PAQR5: variants seen among roughly 807,000 people sequenced by gnomAD.
PAQR5 encodes membrane progestin receptor gamma.
Under a neutral mutation model 34.5 loss-of-function variants are expected in PAQR5, and 20 were observed. That is an observed-to-expected ratio of 0.58 (90% CI 0.41 to 0.84). The LOEUF is 0.84. Ranked by LOEUF, PAQR5 falls within the 40% of genes least tolerant of loss-of-function variation. The pLI is 0.00. For missense variants in PAQR5, 378 were observed against 412.7 expected (o/e 0.92, Z 0.73); for synonymous variants, 131 against 155.6 (o/e 0.84, Z 1.18).
chr15:69,328,848 A>G (rs1461111725), intron 1 of PAQR5, among the ~76,000 whole-genome samples: 2 of 152,340 alleles, frequency 1.3e-5, no homozygotes, highest in African/African-American at 4.8e-5. Context: ...GGGCAAGGCC[A>G]GTGCAGCCTG....
At position 69,329,846 on chromosome 15, in the gene PAQR5, T is replaced by C. The variant is rs1381783180; in HGVS notation, c.-276-7495T>C. ...GCCGCTGATGGCTCACTCTCCTGAA[T>C]GTGTTCTTTGTAGTAATAGTAGCCA... On this transcript the variant is annotated intron_variant, in intron 1 of 8. Transcript: ENST00000395407. Among the ~76,000 whole-genome samples, 3 of 152,182 alleles carry C rather than the reference T, an allele frequency of 2.0e-5. No individual in the cohort carries two copies. In the East Asian group the frequency reaches 5.8e-4, roughly 29 times the overall value.
chr15:69,399,938 C>G (rs1430201845), intron 7 of PAQR5, 36 bp from the exon 8 acceptor site: 1 of 1,599,634 alleles, frequency 6.3e-7, no homozygotes, highest in Non-Finnish European at 8.5e-7. Flanking sequence ...TCAGGCCTGT[C>G]CTCTCAAGAC....
At chr15:69,330,201 C>T (rs2054348077) in intron 1 of PAQR5, among the ~76,000 whole-genome samples, 1 of 152,176 alleles carries the variant, frequency 6.6e-6, no homozygotes, top group Middle Eastern at 3.2e-3. Context: ...GTTAGTGAAA[C>T]CACCTGTGCA....
intron 1 of PAQR5, among the ~76,000 whole-genome samples, chr15:69,337,037 T>C (rs1382721825): frequency 1.3e-5 from 2 of 152,202 alleles, no homozygotes; most frequent in Non-Finnish European, 2.9e-5. Context: ...AGGTCTCAGA[T>C]AACTTTAAAA....
chr15:69,363,536 G>GTTTTTTTTTT lies in PAQR5; in HGVS notation c.51+3411_51+3412insTTTTTTTTTT, dbSNP rs1226447954. ...ACATCGAGTGTCAAATTGCTAATCT[G>GTTTTTTTTTT]TTTTTTGTTTTTGTTTTTTTTTTTT... On this transcript the variant is annotated intron_variant, in intron 3 of 8. Transcript: ENST00000395407. Among the ~76,000 whole-genome samples, 2 of 82,002 alleles carry GTTTTTTTTTT rather than the reference G, an allele frequency of 2.4e-5. 1 individual carries two copies. The highest frequency in any genetic ancestry group is 4.6e-5 in the Non-Finnish European group (2 of 43,296). The allele number at this position is 82,002 out of a possible 152,430, so 53.8% of individuals were successfully genotyped here.
At chr15:69,311,815 G>A (rs2053840709) in intron 1 of PAQR5, among the ~76,000 whole-genome samples, 1 of 152,196 alleles carries the variant, frequency 6.6e-6, no homozygotes, top group South Asian at 2.1e-4. Context: ...AAATGTGGGT[G>A]ATACATTCTT....
At chr15:69,359,095 T>TCTC (rs1174047070) in intron 2 of PAQR5, among the ~76,000 whole-genome samples, 1 of 152,162 alleles carries the variant, frequency 6.6e-6, no homozygotes, top group Non-Finnish European at 1.5e-5. Context: ...CTCATAGATG[T>TCTC]CTCCTTCTAT....
In PAQR5 at chr15:69,320,973, T is replaced by C. The variant is rs2054082019; in HGVS notation, c.-276-16368T>C. Among the ~76,000 whole-genome samples the C allele has an allele frequency of 2.6e-5, 4 of 152,242 alleles. No individual in the cohort carries two copies. In the South Asian group the frequency reaches 8.3e-4, roughly 31 times the overall value. On this transcript the variant is annotated intron_variant, in intron 1 of 8. Transcript: ENST00000395407. ...CGAATATTTTCCGCCGACAAGGCCT[T>C]TTGGCTTTTTTTCAGAGACTGCCGT... is the stretch of plus-strand genomic sequence containing the variant.
intron 3 of PAQR5, among the ~76,000 whole-genome samples, chr15:69,373,227 G>A (rs1432831906): frequency 6.6e-6 from 1 of 151,976 alleles, no homozygotes; most frequent in Non-Finnish European, 1.5e-5. Context: ...TAAGGTCAGT[G>A]GATTAGCAAC....
intron 3 of PAQR5, among the ~76,000 whole-genome samples, chr15:69,371,437 G>A (rs1049831031): frequency 6.6e-6 from 1 of 151,952 alleles, no homozygotes; most frequent in Admixed American, 6.6e-5. Flanking sequence ...CCATCTCATC[G>A]TGCTATCTTT....
At position 69,407,648 on chromosome 15, in the gene PAQR5, T is replaced by A. The variant is rs1358060315; in HGVS notation, c.*3826T>A. On this transcript the variant is annotated 3_prime_UTR_variant, in exon 9 of 9. Transcript: ENST00000395407. ...GAATTTATTTATTATCATAAAGTCA[T>A]CCTGTTTGCCACTTAATTTGGTTAT... is the stretch of plus-strand genomic sequence containing the variant. 6.6e-6 allele frequency: 1 copy of A among 152,234 alleles called. No homozygotes were observed. Among genetic ancestry groups the A allele is most frequent in the African/African-American group, 2.4e-5 (1 of 41,446 alleles). The allele number at this position is 152,234 out of a possible 1,614,324, so 9.4% of individuals were successfully genotyped here. A position where few individuals can be genotyped will look rare whatever the true frequency, so the allele number is the denominator to read the frequency against.
In PAQR5 at chr15:69,403,772, G is replaced by T; in HGVS notation, c.943G>T (p.Ala315Ser). The change falls in exon 9 of 9, where the codon GCT (alanine) becomes TCT (serine). Residue 315 changes from alanine to serine, a missense_variant. Transcript: ENST00000395407. ...CCTCAGCAACATAATTTATTTCTCA[G>T]CTGCTCTGTATCGGATTCCCAAGCC... ...FSLSNIIYFS[A>S]ALYRIPKPEL... is the part of the protein sequence containing the mutation. The T allele has an allele frequency of 6.2e-7, 1 of 1,614,004 alleles. No individual in the cohort carries two copies. Among genetic ancestry groups the T allele is most frequent in the Non-Finnish European group, 8.5e-7 (1 of 1,179,902 alleles).
intron 2 of PAQR5, among the ~76,000 whole-genome samples, chr15:69,349,544 A>G (rs1367564485): frequency 6.6e-6 from 1 of 152,188 alleles, no homozygotes; most frequent in Non-Finnish European, 1.5e-5. Flanking sequence ...GAGTTAAGAA[A>G]AGTACTAACA....
At chr15:69,382,470 C>T (rs866962441) in intron 4 of PAQR5, among the ~76,000 whole-genome samples, 23 of 151,702 alleles carry the variant, frequency 1.5e-4, no homozygotes, top group African/African-American at 4.8e-4. Flanking sequence ...CATGGTGAAA[C>T]GCTGTCTCTA....
In PAQR5 at chr15:69,329,897, C is replaced by T. The variant is rs373517261; in HGVS notation, c.-276-7444C>T. ...TAATAGTAGCCATAGTGGTAAATAC[C>T]ACTGGCATTGATTCAGGGTTTTGTA... On this transcript the variant is annotated intron_variant, in intron 1 of 8. Transcript: ENST00000395407. 3.9e-5 allele frequency among the ~76,000 whole-genome samples: 6 copies of T among 152,238 alleles called. No individual in the cohort carries two copies. The East Asian group carries it at 9.6e-4, about 24-fold the overall frequency.
chr15:69,300,948 C>CTTCTTTCTTTCTTTCTTTCT (rs1204219653), intron 1 of PAQR5, among the ~76,000 whole-genome samples: 38 of 3,620 alleles, frequency 0.01, 3 homozygotes, highest in East Asian at 0.06. Flanking sequence ...TCTTTCTTTC[C>CTTCTTTCTTTCTTTCTTTCT]TTCTTTCTTT....
chr15:69,346,417 C>T (rs2054773717), intron 2 of PAQR5, among the ~76,000 whole-genome samples: 1 of 149,058 alleles, frequency 6.7e-6, no homozygotes, highest in Non-Finnish European at 1.5e-5. Context: ...GCCATTCTCC[C>T]GCCTTAGCCT....
chr15:69,326,590 C>T (rs759064281), intron 1 of PAQR5, among the ~76,000 whole-genome samples: 2 of 152,178 alleles, frequency 1.3e-5, no homozygotes, highest in Non-Finnish European at 2.9e-5. Flanking sequence ...GTGCCCGCCA[C>T]CACATCTGTC....
Position 69,400,080 on chromosome 15 carries a change from C to G in PAQR5, c.716C>G (p.Pro239Arg). 3 of 1,614,148 alleles carry G rather than the reference C, an allele frequency of 1.9e-6. No homozygotes were observed. Among genetic ancestry groups the G allele is most frequent in the Non-Finnish European group, 2.5e-6 (3 of 1,179,996 alleles). Residue 239 changes from proline (P) to arginine (R), a missense_variant, in exon 8 of 9, where the codon CCA (proline) becomes CGA (arginine). Coordinates refer to ENST00000395407, the MANE Select transcript of PAQR5 (RefSeq NM_017705.4). ...TCTTTCTTGTACTCTGCACATCTGC[C>G]AGAACGCCTAGCCCCTGGACGCTTT... The part of the protein sequence containing the change: ...LASFLYSAHL[P>R]ERLAPGRFDY...
Sources: gnomAD v4.1 joint callset for allele counts (sites outside exome capture counted in the v4.1 genomes callset) on GRCh38, gnomAD v4.1.1 for gene constraint, MANE v1.5 for transcripts, NCBI Gene and HGNC (gene_info 2026-07-23, HGNC 2026-07-21) for gene names.